Variants in DCTN2 observed in about 807,000 individuals in gnomAD.
DCTN2 encodes dynactin subunit 2, also known as 50 kDa dynein-associated polypeptide.
In DCTN2, 18 loss-of-function variants were observed where a neutral mutation model predicts 55.4. The observed-to-expected ratio is 0.32, with a 90% CI of 0.22 to 0.48. DCTN2 has a LOEUF of 0.48. Ranked by LOEUF, DCTN2 falls within the 20% of genes least tolerant of loss-of-function variation. The probability of loss-of-function intolerance (pLI) is 0.99; values close to 1 mark genes in which losing one functional copy is unlikely to be tolerated. For missense variants in DCTN2, 390 were observed against 491.0 expected (o/e 0.79, Z 1.94); for synonymous variants, 168 against 185.2 (o/e 0.91, Z 0.76).
intron 2 of DCTN2, among the ~76,000 whole-genome samples, chr12:57,537,943 G>A (rs1880379744): frequency 6.6e-6 from 1 of 152,128 alleles, no homozygotes; most frequent in African/African-American, 2.4e-5. Flanking sequence ...ACTTCTCCCT[G>A]TGAAAGCCCC....
chr12:57,543,241 C>T lies in DCTN2; in HGVS notation c.105+2787G>A, dbSNP rs901176691. ...GTGGGCGCCTACAGTCTCAGCTACTCGGGAGGCTAAGGCAGGAGAATGGCG... is the reference window on the plus strand; with the variant it reads ...GTGGGCGCCTACAGTCTCAGCTACTTGGGAGGCTAAGGCAGGAGAATGGCG... On this transcript the variant is annotated intron_variant, in intron 2 of 13. Coordinates refer to ENST00000548249, the MANE Select transcript of DCTN2 (RefSeq NM_001261413.2). 28 of 348,958 alleles carry T rather than the reference C, an allele frequency of 8.0e-5. 1 individual carries two copies. The highest frequency in any genetic ancestry group is 4.8e-4 in the South Asian group (22 of 45,378). 21.6% of individuals were successfully genotyped at this position (348,958 alleles called of 1,614,324 possible).
chr12:57,536,050 A>G, intron 2 of DCTN2: 1 of 581,988 alleles, frequency 1.7e-6, no homozygotes, highest in Non-Finnish European at 3.1e-6. Context: ...TTGTATAAAT[A>G]TTAACACCCT....
intron 2 of DCTN2, 152 bp downstream of exon 2, chr12:57,545,876 A>C: frequency 1.5e-6 from 1 of 655,002 alleles, no homozygotes; most frequent in Non-Finnish European, 2.6e-6. Context: ...CTGCAAGCCC[A>C]GCAAGGTCTT....
rs142572005 is a variant in DCTN2, at chr12:57,539,943, T to G, written c.106-4098A>C. The G allele has an allele frequency of 9.0e-4, 217 of 241,936 alleles. 5 individuals are homozygous for G. In the East Asian group the frequency reaches 0.029, roughly 32 times the overall value. 15.0% of individuals were successfully genotyped at this position (241,936 alleles called of 1,614,324 possible). ...CGGGAGGCTGAGGCAGGAGAATCAT[T>G]TGAACCCGGGAGGTGGAGGTTGCAG... is the stretch of plus-strand genomic sequence containing the variant. On this transcript the variant is annotated intron_variant, in intron 2 of 13. Coordinates refer to ENST00000548249, the MANE Select transcript of DCTN2 (RefSeq NM_001261413.2).
chr12:57,535,149 T>C lies in DCTN2; in HGVS notation c.270A>G (p.Gly90=), dbSNP rs1880123909. 3 of 1,613,240 alleles carry C rather than the reference T, an allele frequency of 1.9e-6. No individual in the cohort carries two copies. The Admixed American group carries it at 5.0e-5, about 27-fold the overall frequency. ...GYESGEYEML[G]EGLGVKETPQ... is the part of the protein sequence containing the mutation. The stretch of plus-strand genomic sequence containing the variant: ...GTGTCTCCTTCACTCCCAGACCCTC[T>C]CCAAGCTAGAGAGCAGGCACAGAGG... The change falls in exon 5 of 14, where the codon GGA becomes GGG. Residue 90 remains glycine, a synonymous_variant. Coordinates refer to ENST00000548249, the MANE Select transcript of DCTN2 (RefSeq NM_001261413.2).
intron 5 of DCTN2, 95 bp downstream of exon 5, chr12:57,534,961 C>T (rs1880104455): frequency 9.1e-7 from 1 of 1,102,816 alleles, no homozygotes; most frequent in Non-Finnish European, 1.3e-6. Context: ...TGAGCCACCG[C>T]ACCCAGCCAG....
chr12:57,532,414 G>T, intron 11 of DCTN2, 99 bp from the exon 12 acceptor site: 1 of 1,327,472 alleles, frequency 7.5e-7, no homozygotes, highest in Non-Finnish European at 1.1e-6. Context: ...GATCAAGTGG[G>T]CAGAGGGAAG....
chr12:57,534,206 T>G, intron 6 of DCTN2, 86 bp downstream of exon 6: 3 of 1,522,652 alleles, frequency 2.0e-6, no homozygotes, highest in Non-Finnish European at 2.6e-6. Flanking sequence ...GCCACTTCTC[T>G]GCCACTTAGC....
Position 57,535,815 on chromosome 12 carries a change from T to C in DCTN2, c.136A>G (p.Ile46Val), listed in dbSNP as rs754500279. Residue 46 changes from isoleucine to valine, a missense_variant, in exon 3 of 14, where the codon ATC (isoleucine) becomes GTC (valine). Physicochemically the swap from Ile to Val is conservative, Grantham distance 29. Around this residue, in one of 2 missense-constraint regions of DCTN2, gnomAD observed 117 missense variants for 187.8 expected, o/e 0.62. Coordinates refer to ENST00000548249, the MANE Select transcript of DCTN2 (RefSeq NM_001261413.2). ...EELTSTSVEHIIVNPNAAYDK... is the reference protein window; with the variant it reads ...EELTSTSVEHVIVNPNAAYDK... The stretch of plus-strand genomic sequence containing the variant: ...TAGGCAGCATTAGGATTGACAATGA[T>C]GTGTTCCACACTTGTGCTTGTCAGC... 6.2e-7 allele frequency: 1 copy of C among 1,613,918 alleles called. No homozygotes were observed.
At position 57,530,635 on chromosome 12, in the gene DCTN2, T is replaced by G. The variant is rs1159535598; in HGVS notation, c.*54A>C. ...AAAGGGGAAACCCTATGTAAGCTGT[T>G]AACAGAGTTCACAGGGGTAGGGATA... On this transcript the variant is annotated 3_prime_UTR_variant, in exon 14 of 14. Transcript: ENST00000548249. The G allele has an allele frequency of 1.4e-5, 20 of 1,462,600 alleles. No individual in the cohort carries two copies. The highest frequency in any genetic ancestry group is 1.2e-5 in the Non-Finnish European group (13 of 1,047,774). The allele number at this position is 1,462,600 out of a possible 1,614,324, so 90.6% of individuals were successfully genotyped here. A position where few individuals can be genotyped will look rare whatever the true frequency, so the allele number is the denominator to read the frequency against.
At chr12:57,545,766 A>ATTTTAT (rs1298713393) in intron 2 of DCTN2, among the ~76,000 whole-genome samples, 1 of 152,064 alleles carries the variant, frequency 6.6e-6, no homozygotes, top group African/African-American at 2.4e-5. Flanking sequence ...AGATATTTCA[A>ATTTTAT]TTTTATTTAA....
At position 57,532,750 on chromosome 12, in the gene DCTN2, C is replaced by T. The variant is rs1879856655; in HGVS notation, c.835G>A (p.Val279Met). The change falls in exon 10 of 14, where the codon GTG (valine) becomes ATG (methionine). Residue 279 changes from valine (V) to methionine (M), a missense_variant. By Grantham distance (21) the Val-to-Met change is conservative. This residue lies in a region of DCTN2 where 273 missense variants were observed against 303.2 expected (regional missense o/e 0.90). Transcript: ENST00000548249. ...SALDLAVLDQVEARLQSVLGK... is the reference protein window; with the variant it reads ...SALDLAVLDQMEARLQSVLGK... ...TTTAATACCTGTAGCCGAGCCTCCA[C>T]TTGATCCAAAACTGCAAGGTCTAGG... 2 of 1,613,988 alleles carry T rather than the reference C, an allele frequency of 1.2e-6. No individual in the cohort carries two copies. The highest frequency in any genetic ancestry group is 2.2e-5 in the East Asian group (1 of 44,888).
rs752832329 is a variant in DCTN2 at position 57,546,040 on chromosome 12, C to T, written c.93G>A (p.Ala31=). The T allele has an allele frequency of 3.2e-5, 51 of 1,613,742 alleles. No homozygotes were observed. The highest frequency in any genetic ancestry group is 1.6e-4 in the Middle Eastern group (1 of 6,084). ...ETSDLPEDDQ[A]EFDAEELTST... is the part of the protein sequence containing the mutation. ...CACACATTCTTACCGCATCGAACTC[C>T]GCTTGATCATCCTCAGGTAGGTCGC... Residue 31 remains alanine (A), a synonymous_variant, in exon 2 of 14, where the codon GCG becomes GCA. Coordinates refer to ENST00000548249, the MANE Select transcript of DCTN2 (RefSeq NM_001261413.2).
In DCTN2 at chr12:57,532,777, C is replaced by T. The variant is rs141248212; in HGVS notation, c.808G>A (p.Ala270Thr). 387 of 1,613,934 alleles carry T rather than the reference C, an allele frequency of 2.4e-4. 3 individuals are homozygous for T. In the African/African-American group the frequency reaches 3.5e-3, roughly 15 times the overall value. Residue 270 changes from alanine to threonine, a missense_variant, in exon 10 of 14, where the codon GCC becomes ACC. Ala to Thr is a moderately conservative substitution (Grantham distance 58). Coordinates refer to ENST00000548249, the MANE Select transcript of DCTN2 (RefSeq NM_001261413.2). ...TVELLQAKVS[A>T]LDLAVLDQVE... Reference sequence around the variant, plus strand: ...TGATCCAAAACTGCAAGGTCTAGGGCGCTCACCTTTGCTTGCAACAGCTCT... The same window carrying T: ...TGATCCAAAACTGCAAGGTCTAGGGTGCTCACCTTTGCTTGCAACAGCTCT...
intron 2 of DCTN2, 69 bp from the exon 3 acceptor site, chr12:57,535,914 A>C: frequency 8.0e-7 from 1 of 1,254,566 alleles, no homozygotes; most frequent in Non-Finnish European, 1.1e-6. Context: ...TACCCCACAA[A>C]ATCCCCAAAC....
rs1471003161 is a variant in DCTN2, at chr12:57,534,567, C to T, written c.364-115G>A. On this transcript the variant is annotated intron_variant, in intron 5 of 13. Coordinates refer to ENST00000548249, the MANE Select transcript of DCTN2 (RefSeq NM_001261413.2). ...TGGAGGTCACTGGGATGGTTTTCAG[C>T]ATGACAGACTGCCCACCTGTATGTA... The T allele has an allele frequency of 1.8e-5, 20 of 1,093,402 alleles. No individual in the cohort carries two copies. In the East Asian group the frequency reaches 4.9e-4, roughly 27 times the overall value. 67.7% of individuals were successfully genotyped at this position (1,093,402 alleles called of 1,614,324 possible). A position where few individuals can be genotyped will look rare whatever the true frequency, so the allele number is the denominator to read the frequency against.
chr12:57,541,421 G>GA (rs1289272345), intron 2 of DCTN2: 57 of 1,594,922 alleles, frequency 3.6e-5, no homozygotes, highest in Non-Finnish European at 4.6e-5. Flanking sequence ...GAAGCATTAG[G>GA]AAAAACTCAG....
At chr12:57,543,390 G>C (rs1165753096) in intron 2 of DCTN2, among the ~76,000 whole-genome samples, 6 of 151,162 alleles carry the variant, frequency 4.0e-5, no homozygotes, top group Non-Finnish European at 8.8e-5. Context: ...AAAATCTCAT[G>C]GTTCAGCCAC....
intron 7 of DCTN2, 96 bp downstream of exon 7, chr12:57,533,857 A>T: frequency 1.5e-6 from 2 of 1,323,112 alleles, no homozygotes; most frequent in Admixed American, 5.1e-5. Flanking sequence ...GAGGAATCAG[A>T]AGCCTTCCCA....
Sources: allele counts gnomAD v4.1 joint callset (sites outside exome capture counted in the v4.1 genomes callset), GRCh38; gene constraint gnomAD v4.1.1; regional missense constraint gnomAD v4.1.1; transcripts MANE v1.5; gene names NCBI Gene and HGNC (gene_info 2026-07-23, HGNC 2026-07-21).